The following BPTF variants were observed in gnomAD, a reference collection of about 807,000 sequenced individuals.
The protein encoded by BPTF is nucleosome-remodeling factor subunit BPTF.
In BPTF, 18 loss-of-function variants were observed where a neutral mutation model predicts 292.5. The ratio of observed to expected loss-of-function variants is 0.06; its 90% CI spans 0.04 to 0.09. The LOEUF (loss-of-function observed/expected upper bound fraction) is 0.09. Ranked by LOEUF, BPTF falls within the 10% of genes least tolerant of loss-of-function variation. The pLI is 1.00. For missense variants in BPTF, 2,726 were observed against 3,498.7 expected, an observed-to-expected ratio of 0.78 and a Z score of 5.57; for synonymous variants, 1,225 against 1,251.9, an observed-to-expected ratio of 0.98 and a Z score of 0.45.
At chr17:67,939,940 G>C (rs963015607) in intron 18 of BPTF, among the ~76,000 whole-genome samples, 2 of 152,220 alleles carry the variant, frequency 1.3e-5, no homozygotes, top group African/African-American at 4.8e-5. Flanking sequence ...AGTGGTCCTT[G>C]CCTTCATGGC....
At chr17:67,867,579 C>A (rs1477533641) in intron 3 of BPTF, among the ~76,000 whole-genome samples, 1 of 152,096 alleles carries the variant, frequency 6.6e-6, no homozygotes, top group African/African-American at 2.4e-5. Context: ...GATCCTGTAC[C>A]ACTTGATATT....
intron 23 of BPTF, among the ~76,000 whole-genome samples, chr17:67,958,890 C>T (rs902452747): frequency 1.3e-5 from 2 of 152,094 alleles, no homozygotes; most frequent in South Asian, 2.1e-4. Flanking sequence ...TTGCCTGAAC[C>T]CAGGAGACAT....
intron 23 of BPTF, chr17:67,950,953 A>C (rs1398918248): frequency 1.3e-5 from 2 of 151,914 alleles, no homozygotes; most frequent in African/African-American, 4.8e-5. Context: ...GATTACAGGC[A>C]TGTGCCACCA....
At chr17:67,865,226 A>T (rs1450536779) in intron 2 of BPTF, among the ~76,000 whole-genome samples, 1 of 152,224 alleles carries the variant, frequency 6.6e-6, no homozygotes, top group Non-Finnish European at 1.5e-5. Flanking sequence ...TTTCGGATTA[A>T]GGGAACTCCA....
chr17:67,878,496 C>T (rs577925864), intron 4 of BPTF, among the ~76,000 whole-genome samples: 8 of 152,262 alleles, frequency 5.3e-5, no homozygotes, highest in Admixed American at 2.0e-4. Flanking sequence ...TAGAAGTATT[C>T]AGTTCAACAG....
At chr17:67,980,877 G>A (rs2070264151) in intron 27 of BPTF, among the ~76,000 whole-genome samples, 1 of 152,176 alleles carries the variant, frequency 6.6e-6, no homozygotes, top group Non-Finnish European at 1.5e-5. Flanking sequence ...AACAAATTAG[G>A]CTGTGTGCAA....
intron 16 of BPTF, 53 bp from the exon 17 acceptor site, chr17:67,929,283 A>G: frequency 1.2e-6 from 2 of 1,603,656 alleles, no homozygotes; most frequent in Non-Finnish European, 1.7e-6. Flanking sequence ...AGCACCACGT[A>G]ATGCTTTCCA....
chr17:67,906,669 C>G (rs2062223174), intron 9 of BPTF, among the ~76,000 whole-genome samples: 1 of 152,168 alleles, frequency 6.6e-6, no homozygotes, highest in African/African-American at 2.4e-5. Flanking sequence ...TCTCTTTCTT[C>G]AGCCAGACCT....
At chr17:67,931,330 G>A (rs1054260972) in intron 17 of BPTF, among the ~76,000 whole-genome samples, 6 of 152,032 alleles carry the variant, frequency 3.9e-5, no homozygotes, top group African/African-American at 7.2e-5. Flanking sequence ...ATGATTAGCC[G>A]GACATGGTGC....
Position 67,856,386 on chromosome 17 carries a change from A to T in BPTF, c.1436+1624A>T, listed in dbSNP as rs188768152. Among the ~76,000 whole-genome samples, 15 of 152,144 alleles carry T rather than the reference A, an allele frequency of 9.9e-5. No homozygotes were observed. In the East Asian group the frequency reaches 2.7e-3, roughly 27 times the overall value. On this transcript the variant is annotated intron_variant, in intron 2 of 27. Transcript: ENST00000306378. Reference sequence around the variant, plus strand: ...TCTTACCTTTCTGAGGCTATTAATGACAGGTTTTTTTCTCTCCTCTGTGCA... The same window carrying T: ...TCTTACCTTTCTGAGGCTATTAATGTCAGGTTTTTTTCTCTCCTCTGTGCA...
chr17:67,886,091 AT>A, intron 4 of BPTF: 1 of 1,406,742 alleles, frequency 7.1e-7, no homozygotes, highest in Non-Finnish European at 9.7e-7. Flanking sequence ...TTTTCATGTG[AT>A]TTCCAATTTA....
At chr17:67,971,021 C>T (rs1367923699) in intron 26 of BPTF, among the ~76,000 whole-genome samples, 1 of 151,732 alleles carries the variant, frequency 6.6e-6, no homozygotes, top group Non-Finnish European at 1.5e-5. Context: ...TGACTGCATC[C>T]TCGTCCTCCC....
rs371816958 is a variant in BPTF, at chr17:67,858,494, G to A, written c.1436+3732G>A. On this transcript the variant is annotated intron_variant, in intron 2 of 27. Coordinates refer to ENST00000306378, the MANE Select transcript of BPTF (RefSeq NM_182641.4). Reference sequence around the variant, plus strand: ...CGCTTGAACCTAGGAGGCGGAGGTTGCAATGAGCCGAGATGGCGCCACTGT... The same window carrying A: ...CGCTTGAACCTAGGAGGCGGAGGTTACAATGAGCCGAGATGGCGCCACTGT... Among the ~76,000 whole-genome samples the A allele has an allele frequency of 4.0e-5, 6 of 148,878 alleles. No homozygotes were observed. In the East Asian group the frequency reaches 9.9e-4, roughly 25 times the overall value.
chr17:67,974,721 G>T (rs62086044), intron 26 of BPTF: 34,595 of 152,420 alleles, frequency 0.23, 4,576 homozygotes, highest in East Asian at 0.68. Context: ...AACACCAGGT[G>T]GAGAAGATGC....
chr17:67,943,693 CTT>C (rs1555673021), intron 19 of BPTF, among the ~76,000 whole-genome samples: 5 of 152,080 alleles, frequency 3.3e-5, no homozygotes, highest in African/African-American at 1.2e-4. Flanking sequence ...ACCTGAGTTT[CTT>C]AGTTGGGAAT....
rs780427193 is a variant in BPTF, at chr17:67,911,549, G to T, written c.3665G>T (p.Ser1222Ile). The T allele has an allele frequency of 6.8e-6, 11 of 1,614,112 alleles. No individual in the cohort carries two copies. In the East Asian group the frequency reaches 2.2e-4, roughly 33 times the overall value. ...DFFIDDSKLA[S>I]ADDIGTLICK... Reference sequence around the variant, plus strand: ...TTCATCGATGACTCTAAACTAGCCAGTGCAGATGATATTGGTACTTTGATC... The same window carrying T: ...TTCATCGATGACTCTAAACTAGCCATTGCAGATGATATTGGTACTTTGATC... The change falls in exon 11 of 28, where the codon AGT becomes ATT. Residue 1222 changes from serine to isoleucine, a missense_variant. Transcript: ENST00000306378.
Position 67,911,397 on chromosome 17 carries a change from C to T in BPTF, c.3513C>T (p.Ser1171=). 3 of 1,614,108 alleles carry T rather than the reference C, an allele frequency of 1.9e-6. No homozygotes were observed. Among genetic ancestry groups the T allele is most frequent in the Non-Finnish European group, 1.7e-6 (2 of 1,180,026 alleles). The change falls in exon 11 of 28, where the codon TCC becomes TCT. Residue 1171 remains serine (S), a synonymous_variant. Transcript: ENST00000306378. The stretch of plus-strand genomic sequence containing the variant: ...AAGATCGAGTGTTAGATGATGTCTC[C>T]ATTCGGAGCCCAGAAACAAAATGTC... ...YPKDRVLDDV[S]IRSPETKCPK...
chr17:67,945,876 C>A lies in BPTF; in HGVS notation c.7168C>A (p.Gln2390Lys). 1 of 1,614,162 alleles carries A rather than the reference C, an allele frequency of 6.2e-7. No homozygotes were observed. The highest frequency in any genetic ancestry group is 1.1e-5 in the South Asian group (1 of 91,084). Reference protein sequence around the residue: ...HTSLQIPSQGQPQSQPQVQSS... With the variant: ...HTSLQIPSQGKPQSQPQVQSS... Reference sequence around the variant, plus strand: ...ATCTCTTCAGATACCTTCCCAAGGCCAGCCACAGTCACAACCCCAGGTACA... The same window carrying A: ...ATCTCTTCAGATACCTTCCCAAGGCAAGCCACAGTCACAACCCCAGGTACA... The change falls in exon 21 of 28, where the codon CAG becomes AAG. Residue 2390 changes from glutamine to lysine, a missense_variant. Physicochemically the swap from Gln to Lys is moderately conservative, Grantham distance 53 (BLOSUM62 1). Around this residue, in one of 22 missense-constraint regions of BPTF, gnomAD observed 570 missense variants for 633.5 expected, o/e 0.90. Coordinates refer to ENST00000306378, the MANE Select transcript of BPTF (RefSeq NM_182641.4).
chr17:67,867,662 AG>A (rs1333934638), intron 3 of BPTF, among the ~76,000 whole-genome samples: 1 of 151,894 alleles, frequency 6.6e-6, no homozygotes, highest in African/African-American at 2.4e-5. Context: ...GACAGTTGGG[AG>A]GAGTAGTGGT....
Sources: allele counts gnomAD v4.1 joint callset (sites outside exome capture counted in the v4.1 genomes callset), GRCh38; gene constraint gnomAD v4.1.1; regional missense constraint gnomAD v4.1.1; transcripts MANE v1.5; gene names NCBI Gene and HGNC (gene_info 2026-07-23, HGNC 2026-07-21).